Variants in SUSD4 observed in about 807,000 individuals in gnomAD.
SUSD4 encodes sushi domain-containing protein 4.
SUSD4 carries 41 observed loss-of-function variants against 50.5 expected under a neutral mutation model. The observed-to-expected ratio is 0.81, with a 90% CI of 0.63 to 1.05. The LOEUF (loss-of-function observed/expected upper bound fraction) is 1.05, where lower values mean the gene tolerates loss of function less well. SUSD4 is among the 50% of genes least tolerant of loss of function. The pLI is 0.00. For missense variants in SUSD4, 580 were observed against 634.7 expected (o/e 0.91, Z 0.93); for synonymous variants, 257 against 257.3 (o/e 1.00, Z 0.01).
chr1:223,364,585 C>T (rs537099272), upstream of SUSD4, among the ~76,000 whole-genome samples: 156 of 150,698 alleles, frequency 1.0e-3, no homozygotes, highest in African/African-American at 3.5e-3. The surrounding 1 kb of genome is among the most constrained non-coding windows in gnomAD (Gnocchi z 4.5). Flanking sequence ...TCGCCCCTTC[C>T]CCGGCGCTGG....
chr1:223,322,616 G>T (rs1666640644), intron 2 of SUSD4, among the ~76,000 whole-genome samples: 1 of 151,678 alleles, frequency 6.6e-6, no homozygotes, highest in Non-Finnish European at 1.5e-5. Context: ...CAGCCCTGGG[G>T]TGTGTGTGTG....
intron 3 of SUSD4, among the ~76,000 whole-genome samples, chr1:223,270,689 C>A (rs1228386986): frequency 6.6e-6 from 1 of 152,132 alleles, no homozygotes; most frequent in Non-Finnish European, 1.5e-5. Context: ...TCTGCCTCAG[C>A]CTCCCGAGCA....
chr1:223,291,874 G>C lies in SUSD4; in HGVS notation c.361+565C>G, dbSNP rs17577254. Reference sequence around the variant, plus strand: ...AAAGTTGTTTCAACCAACAGATGTGGGGTAATTGCTAGAAGTGAATGAATA... The same window carrying C: ...AAAGTTGTTTCAACCAACAGATGTGCGGTAATTGCTAGAAGTGAATGAATA... On this transcript the variant is annotated intron_variant, in intron 3 of 8. Coordinates refer to ENST00000366878, the MANE Select transcript of SUSD4 (RefSeq NM_017982.4). Among the ~76,000 whole-genome samples, 1,198 of 152,268 alleles carry C rather than the reference G, an allele frequency of 7.9e-3. 10 individuals carry two copies. The highest frequency in any genetic ancestry group is 0.013 in the Non-Finnish European group (884 of 68,028).
intron 2 of SUSD4, among the ~76,000 whole-genome samples, chr1:223,309,799 G>A (rs978047293): frequency 2.0e-5 from 3 of 152,156 alleles, no homozygotes; most frequent in Admixed American, 6.5e-5. Flanking sequence ...ATAACATCCT[G>A]ACATATCTTT....
At chr1:223,278,024 T>C (rs1663402655) in intron 3 of SUSD4, among the ~76,000 whole-genome samples, 1 of 152,148 alleles carries the variant, frequency 6.6e-6, no homozygotes, top group African/African-American at 2.4e-5. Flanking sequence ...GGTCTGAATA[T>C]GTACTTTTCC....
chr1:223,363,728 C>G (rs1405710660), intron 1 of SUSD4: 1 of 304,352 alleles, frequency 3.3e-6, no homozygotes, highest in Non-Finnish European at 6.1e-6. Flanking sequence ...ATTGGCTCCG[C>G]GCCGGTCCCC....
At chr1:223,261,448 C>A (rs754187639) in intron 5 of SUSD4, among the ~76,000 whole-genome samples, 2 of 152,120 alleles carry the variant, frequency 1.3e-5, no homozygotes, top group Non-Finnish European at 2.9e-5. Flanking sequence ...AGTTACTGAA[C>A]CTTTAGAAGG....
At chr1:223,239,949 A>T (rs1014146580) in intron 5 of SUSD4, among the ~76,000 whole-genome samples, 1 of 151,978 alleles carries the variant, frequency 6.6e-6, no homozygotes, top group Admixed American at 6.6e-5. Context: ...ACTTCTTTTA[A>T]CATTTCTTGC....
At chr1:223,240,683 AT>A (rs1207129426) in intron 5 of SUSD4, among the ~76,000 whole-genome samples, 4 of 151,980 alleles carry the variant, frequency 2.6e-5, no homozygotes, top group Admixed American at 2.6e-4. Context: ...TACATTGCCC[AT>A]TTTTTTGTGC....
At chr1:223,337,422 G>A (rs1306901097) in intron 2 of SUSD4, among the ~76,000 whole-genome samples, 1 of 152,224 alleles carries the variant, frequency 6.6e-6, no homozygotes, top group Non-Finnish European at 1.5e-5. Context: ...TGTGTTGAGT[G>A]GATGAAACCT....
intron 2 of SUSD4, among the ~76,000 whole-genome samples, chr1:223,320,451 C>T (rs1666506515): frequency 1.3e-5 from 2 of 151,974 alleles, no homozygotes; most frequent in South Asian, 4.2e-4. Context: ...TCTCCTTCCA[C>T]ACAGGCATAC....
At chr1:223,354,853 C>T (rs192151828) in intron 2 of SUSD4, among the ~76,000 whole-genome samples, 3 of 152,324 alleles carry the variant, frequency 2.0e-5, no homozygotes, top group African/African-American at 7.2e-5. Flanking sequence ...CTGAAGGATT[C>T]TTCTATGTAC....
chr1:223,249,832 C>A (rs1461272969), intron 5 of SUSD4, among the ~76,000 whole-genome samples: 1 of 152,030 alleles, frequency 6.6e-6, no homozygotes, highest in Non-Finnish European at 1.5e-5. Flanking sequence ...GACATCTGAA[C>A]AAATTTAAGA....
chr1:223,365,026 G>C (rs1023285771), upstream of SUSD4, among the ~76,000 whole-genome samples: 1 of 152,056 alleles, frequency 6.6e-6, no homozygotes, highest in African/African-American at 2.4e-5. Flanking sequence ...TCGGAGCCTT[G>C]GCCTGGGAGG....
At chr1:223,264,345 C>G in intron 5 of SUSD4, 2 of 1,123,652 alleles carry the variant, frequency 1.8e-6, no homozygotes, top group Non-Finnish European at 2.2e-6. Flanking sequence ...TTTTTGAAGA[C>G]ATTTCATTTA....
chr1:223,321,543 C>T (rs1666573741), intron 2 of SUSD4, among the ~76,000 whole-genome samples: 1 of 152,186 alleles, frequency 6.6e-6, no homozygotes, highest in Non-Finnish European at 1.5e-5. Flanking sequence ...AATTTGCTGA[C>T]TTCTCTGGGC....
intron 4 of SUSD4, among the ~76,000 whole-genome samples, chr1:223,266,744 A>G (rs1258203999): frequency 6.6e-6 from 1 of 152,212 alleles, no homozygotes; most frequent in African/African-American, 2.4e-5. Context: ...TATAGGTGCA[A>G]ATACAACTTA....
intron 7 of SUSD4, among the ~76,000 whole-genome samples, chr1:223,225,691 C>A (rs889826641): frequency 5.9e-5 from 9 of 152,314 alleles, no homozygotes; most frequent in Middle Eastern, 3.4e-3. Flanking sequence ...CCATCCCTGG[C>A]ACCTCCATGT....
Position 223,222,102 on chromosome 1 carries a change from C to T in SUSD4, c.*90G>A, listed in dbSNP as rs1659167016. 3 of 1,369,512 alleles carry T rather than the reference C, an allele frequency of 2.2e-6. No homozygotes were observed. The highest frequency in any genetic ancestry group is 1.3e-5 in the South Asian group (1 of 76,844). The allele number at this position is 1,369,512 out of a possible 1,614,324, so 84.8% of individuals were successfully genotyped here. ...CCATGTAGACAAGTTAGACATTTTG[C>T]CCCCAGGCTCTATCCTTCTGTGACC... On this transcript the variant is annotated 3_prime_UTR_variant, in exon 9 of 9. Coordinates refer to ENST00000366878, the MANE Select transcript of SUSD4 (RefSeq NM_017982.4).
Sources: allele counts gnomAD v4.1 joint callset (sites outside exome capture counted in the v4.1 genomes callset), GRCh38; gene constraint gnomAD v4.1.1; non-coding constraint Gnocchi (gnomAD v3.1); transcripts MANE v1.5; gene names NCBI Gene and HGNC (gene_info 2026-07-23, HGNC 2026-07-21).